The following TBC1D32 variants were observed in gnomAD, a reference collection of about 807,000 sequenced individuals.
The protein encoded by TBC1D32 is protein broad-minded.
Under a neutral mutation model 170.3 loss-of-function variants are expected in TBC1D32, and 151 were observed. The ratio of observed to expected loss-of-function variants is 0.89; its 90% CI spans 0.78 to 1.01. The LOEUF is 1.01. Ranked by LOEUF, TBC1D32 falls within the 50% of genes least tolerant of loss-of-function variation. The probability of loss-of-function intolerance (pLI) is 0.00; values close to 1 mark genes in which losing one functional copy is unlikely to be tolerated. For synonymous variants in TBC1D32, 498 were observed against 488.0 expected, an observed-to-expected ratio of 1.02 and a Z score of -0.27; for missense variants, 1,464 against 1,457.1, an observed-to-expected ratio of 1.00 and a Z score of -0.08.
intron 17 of TBC1D32, among the ~76,000 whole-genome samples, chr6:121,253,975 T>C (rs1364359239): frequency 6.6e-6 from 1 of 151,852 alleles, no homozygotes; most frequent in Non-Finnish European, 1.5e-5. Flanking sequence ...TGCAAAGATA[T>C]GAAACCAATC....
chr6:121,132,926 C>T (rs532300634), intron 24 of TBC1D32, among the ~76,000 whole-genome samples: 25 of 151,900 alleles, frequency 1.6e-4, no homozygotes, highest in African/African-American at 5.3e-4. Context: ...TCAAAGGTGA[C>T]GAAAGAGGCA....
At chr6:121,161,800 C>A (rs965297769) in intron 22 of TBC1D32, among the ~76,000 whole-genome samples, 2 of 152,204 alleles carry the variant, frequency 1.3e-5, no homozygotes, top group African/African-American at 4.8e-5. Context: ...ACACTCCCAA[C>A]AGTGTAAAAG....
intron 22 of TBC1D32, among the ~76,000 whole-genome samples, chr6:121,174,976 G>A (rs542205526): frequency 2.9e-4 from 43 of 147,010 alleles, no homozygotes; most frequent in African/African-American, 1.0e-3. Flanking sequence ...AGGTTGCAGT[G>A]AGCTGTGACT....
chr6:121,141,183 A>G (rs1782740626), intron 24 of TBC1D32, among the ~76,000 whole-genome samples: 1 of 152,170 alleles, frequency 6.6e-6, no homozygotes, highest in Non-Finnish European at 1.5e-5. Flanking sequence ...GAAATAAACA[A>G]AGGTCCAGAG....
At chr6:121,151,850 C>T (rs1272827835) in intron 24 of TBC1D32, among the ~76,000 whole-genome samples, 3 of 152,104 alleles carry the variant, frequency 2.0e-5, no homozygotes, top group African/African-American at 2.4e-5. Context: ...TTTCCATTTG[C>T]CTGGTAAATC....
chr6:121,201,078 T>G (rs1272709905), intron 22 of TBC1D32, among the ~76,000 whole-genome samples: 1 of 151,462 alleles, frequency 6.6e-6, no homozygotes, highest in Non-Finnish European at 1.5e-5. Flanking sequence ...CATTCTTCGA[T>G]TAACTAATTA....
intron 22 of TBC1D32, among the ~76,000 whole-genome samples, chr6:121,203,897 A>G (rs543145464): frequency 1.3e-5 from 2 of 151,262 alleles, no homozygotes; most frequent in Non-Finnish European, 2.9e-5. Flanking sequence ...CACTTCTTGG[A>G]TTGCTTTTTA....
intron 27 of TBC1D32, among the ~76,000 whole-genome samples, chr6:121,114,286 ATGCC>A (rs2128199664): frequency 6.6e-6 from 1 of 152,346 alleles, no homozygotes; most frequent in East Asian, 1.9e-4. Flanking sequence ...TTACACTTGG[ATGCC>A]AGCTATATCT....
At chr6:121,141,988 C>T (rs546828003) in intron 24 of TBC1D32, among the ~76,000 whole-genome samples, 14 of 152,232 alleles carry the variant, frequency 9.2e-5, no homozygotes, top group African/African-American at 1.7e-4. Context: ...GTCCTAAAAC[C>T]GACTTTTGAT....
chr6:121,296,478 C>A (rs1364988757), intron 10 of TBC1D32, among the ~76,000 whole-genome samples: 4 of 152,084 alleles, frequency 2.6e-5, no homozygotes, highest in African/African-American at 9.7e-5. Flanking sequence ...AAATCATTAT[C>A]TTTTCCAGCA....
At chr6:121,152,408 C>T (rs1261454195) in intron 24 of TBC1D32, among the ~76,000 whole-genome samples, 2 of 152,112 alleles carry the variant, frequency 1.3e-5, no homozygotes, top group African/African-American at 2.4e-5. Flanking sequence ...GTAACCTGAC[C>T]TTTCTCTCTG....
At chr6:121,095,457 T>C (rs967095154) in intron 30 of TBC1D32, among the ~76,000 whole-genome samples, 2 of 152,182 alleles carry the variant, frequency 1.3e-5, no homozygotes, top group Admixed American at 6.5e-5. Flanking sequence ...TGGCCAGAAC[T>C]TCCAACACTA....
rs200603439 is a variant in TBC1D32, at chr6:121,241,510, G to A, written c.2200C>T (p.Arg734Ter). Reference protein sequence around the residue: ...KKFGYGVLVTRVASTAAGGIA... With the variant: ...KKFGYGVLVT ...CCACCTGCTGCTGTTGATGCCACTC[G>A]TGTAACCAAAACTCCATAGCCAAAT... The change falls in exon 19 of 32, where the codon CGA becomes TGA. Residue 734 changes from arginine (R) to a stop codon, truncating the protein, a stop_gained. Transcript: ENST00000398212. LOFTEE classifies it high-confidence loss of function. 1.1e-4 allele frequency: 173 copies of A among 1,613,292 alleles called. No homozygotes were observed. Among genetic ancestry groups the A allele is most frequent in the Non-Finnish European group, 1.4e-4 (162 of 1,179,714 alleles).
At chr6:121,121,316 C>T (rs1318192407) in intron 26 of TBC1D32, among the ~76,000 whole-genome samples, 2 of 151,864 alleles carry the variant, frequency 1.3e-5, no homozygotes, top group Non-Finnish European at 2.9e-5. Flanking sequence ...TTTAGTGAGG[C>T]AAATGCGCAG....
intron 31 of TBC1D32, among the ~76,000 whole-genome samples, chr6:121,083,275 C>T (rs569985627): frequency 6.6e-5 from 10 of 151,894 alleles, no homozygotes; most frequent in African/African-American, 2.2e-4. Flanking sequence ...TTATATTAAC[C>T]GTATAGTATT....
At position 121,283,874 on chromosome 6, in the gene TBC1D32, GTAA is replaced by G; in HGVS notation, c.1406_1408del (p.Phe469_Thr470delinsSer). ...ACTTGGTGAGTAATAGATAAGTTGG[GTAA>G]AAAGAACAAGCAGATCTATGAGGGA... On this transcript the variant is annotated inframe_deletion, in exon 13 of 32. Transcript: ENST00000398212. 3 of 1,611,082 alleles carry G rather than the reference GTAA, an allele frequency of 1.9e-6. No individual in the cohort carries two copies. In the South Asian group the frequency reaches 3.3e-5, roughly 18 times the overall value.
At position 121,124,238 on chromosome 6, in the gene TBC1D32, T is replaced by C. The variant is rs1200359538; in HGVS notation, c.2983+2140A>G. ...CTGAAAGTGATAAGTTCCCTCAACA[T>C]TTGTTTGTCTGGGAAAGTCTTATTC... On this transcript the variant is annotated intron_variant, in intron 26 of 31. Transcript: ENST00000398212. 2.0e-5 allele frequency among the ~76,000 whole-genome samples: 3 copies of C among 152,210 alleles called. No homozygotes were observed. The East Asian group carries it at 5.8e-4, about 29-fold the overall frequency.
chr6:121,132,701 TAAAG>T (rs550201018), intron 24 of TBC1D32, among the ~76,000 whole-genome samples: 38 of 152,104 alleles, frequency 2.5e-4, no homozygotes, highest in Admixed American at 1.1e-3. Context: ...TGAATAGAGC[TAAAG>T]AAAGTATTTA....
chr6:121,193,948 A>G (rs1289993124), intron 22 of TBC1D32, among the ~76,000 whole-genome samples: 1 of 152,196 alleles, frequency 6.6e-6, no homozygotes, highest in Admixed American at 6.5e-5. Context: ...TAGGCTGTGA[A>G]TATTTCTCCC....
Sources: gnomAD v4.1 joint callset for allele counts (sites outside exome capture counted in the v4.1 genomes callset) on GRCh38, gnomAD v4.1.1 for gene constraint, MANE v1.5 for transcripts, NCBI Gene and HGNC (gene_info 2026-07-23, HGNC 2026-07-21) for gene names.